The following KCNH7 variants were observed in gnomAD, a reference collection of about 807,000 sequenced individuals.
KCNH7 encodes potassium voltage-gated channel subfamily H member 7, also known as voltage-gated inwardly rectifying potassium channel KCNH7.
KCNH7 carries 49 observed loss-of-function variants against 120.8 expected under a neutral mutation model. The ratio of observed to expected loss-of-function variants is 0.41; its 90% CI spans 0.32 to 0.51. The LOEUF (loss-of-function observed/expected upper bound fraction) is 0.51. Among genes scored for constraint, KCNH7 ranks in the 20% least tolerant of loss-of-function variants. The pLI, the probability that KCNH7 is intolerant of heterozygous loss-of-function variation, is 0.38. For missense variants in KCNH7, 1,097 were observed against 1,446.6 expected, an observed-to-expected ratio of 0.76 and a Z score of 3.92; for synonymous variants, 547 against 516.1, an observed-to-expected ratio of 1.06 and a Z score of -0.81.
chr2:162,790,487 G>T (rs1000138764), intron 2 of KCNH7, among the ~76,000 whole-genome samples: 13 of 151,852 alleles, frequency 8.6e-5, no homozygotes, highest in African/African-American at 2.7e-4. Context: ...CATTTTACAA[G>T]GTCAGCACTA....
At chr2:162,567,497 A>AT (rs1177877933) in intron 2 of KCNH7, among the ~76,000 whole-genome samples, 1 of 151,868 alleles carries the variant, frequency 6.6e-6, no homozygotes, top group Non-Finnish European at 1.5e-5. Context: ...TTCAATTTGC[A>AT]TTTTTCCCCC....
chr2:162,373,738 C>CT, intron 14 of KCNH7, 76 bp from the exon 15 acceptor site: 1 of 1,012,756 alleles, frequency 9.9e-7, no homozygotes, highest in Non-Finnish European at 1.3e-6. Flanking sequence ...AAAATTTCAG[C>CT]ACTACCAAGA....
intron 2 of KCNH7, among the ~76,000 whole-genome samples, chr2:162,601,317 G>T (rs1402752761): frequency 6.8e-6 from 1 of 146,502 alleles, no homozygotes; most frequent in African/African-American, 2.5e-5. Flanking sequence ...TGGGCATTTG[G>T]CTCCAAATTC....
At chr2:162,810,409 C>A (rs1378675349) in intron 2 of KCNH7, among the ~76,000 whole-genome samples, 2 of 152,138 alleles carry the variant, frequency 1.3e-5, no homozygotes, top group Admixed American at 1.3e-4. Context: ...TGGGTGTCAG[C>A]AGAAATTCCG....
At chr2:162,786,259 A>G (rs1237175464) in intron 2 of KCNH7, among the ~76,000 whole-genome samples, 1 of 152,040 alleles carries the variant, frequency 6.6e-6, no homozygotes, top group East Asian at 1.9e-4. Context: ...AAAAAAAAAA[A>G]AAAAGCTAGT....
intron 5 of KCNH7, among the ~76,000 whole-genome samples, chr2:162,509,337 T>C (rs1574044532): frequency 6.6e-6 from 1 of 151,556 alleles, no homozygotes; most frequent in Non-Finnish European, 1.5e-5. Flanking sequence ...TAAAAAATCA[T>C]TTTGGAGGGC....
At chr2:162,750,427 TAAAG>T (rs930987012) in intron 2 of KCNH7, among the ~76,000 whole-genome samples, 3 of 151,848 alleles carry the variant, frequency 2.0e-5, no homozygotes, top group Non-Finnish European at 4.4e-5. Flanking sequence ...TGGATAGACT[TAAAG>T]AATAACATGA....
intron 2 of KCNH7, among the ~76,000 whole-genome samples, chr2:162,705,290 G>A (rs1686657797): frequency 6.6e-6 from 1 of 152,002 alleles, no homozygotes; most frequent in Admixed American, 6.6e-5. Context: ...GATACTATCT[G>A]TTCACGTGAA....
Position 162,384,755 on chromosome 2 carries a change from G to A in KCNH7, c.2895C>T (p.Leu965=), listed in dbSNP as rs763255143. The A allele has an allele frequency of 1.9e-6, 3 of 1,612,548 alleles. No homozygotes were observed. Among genetic ancestry groups the A allele is most frequent in the East Asian group, 2.2e-5 (1 of 44,822 alleles). ...AGGTGGGCACTGTTTCTTCAAAATC[G>A]AGCCCAGATGCTTTCCCTATTCCTG... ...SSPGIGKASG[L]DFEETVPTSG... Residue 965 remains leucine, a synonymous_variant, in exon 13 of 16, where the codon CTC becomes CTT. Coordinates refer to ENST00000332142, the MANE Select transcript of KCNH7 (RefSeq NM_033272.4).
At chr2:162,497,424 C>T (rs570497771) in intron 6 of KCNH7, among the ~76,000 whole-genome samples, 5 of 152,028 alleles carry the variant, frequency 3.3e-5, no homozygotes, top group Non-Finnish European at 5.9e-5. Context: ...AACAAGAGAC[C>T]GTGCTGGAAA....
intron 2 of KCNH7, among the ~76,000 whole-genome samples, chr2:162,661,603 G>A (rs373032342): frequency 2.0e-5 from 3 of 152,010 alleles, no homozygotes; most frequent in African/African-American, 7.2e-5. Flanking sequence ...TGTTGATATC[G>A]TTGATACCTT....
intron 2 of KCNH7, among the ~76,000 whole-genome samples, chr2:162,612,413 TA>T (rs2105973872): frequency 6.6e-6 from 1 of 152,270 alleles, no homozygotes; most frequent in Admixed American, 6.5e-5. Context: ...ACATCTCCTC[TA>T]AAAATTACAC....
chr2:162,518,526 C>A (rs1449628996), intron 3 of KCNH7, among the ~76,000 whole-genome samples: 1 of 151,736 alleles, frequency 6.6e-6, no homozygotes, highest in African/African-American at 2.4e-5. Context: ...TCTAAGGCAT[C>A]ATAAGTCCAG....
chr2:162,741,315 CACATATTAATAACATATGTTATTAATTAT>C lies in KCNH7; in HGVS notation c.307+95193_307+95221del, dbSNP rs1176898651. 1.1e-3 allele frequency among the ~76,000 whole-genome samples: 148 copies of C among 140,490 alleles called. 1 individual carries two copies. Among genetic ancestry groups the C allele is most frequent in the Middle Eastern group, 3.9e-3 (1 of 258 alleles). 92.2% of individuals were successfully genotyped at this position (140,490 alleles called of 152,430 possible). ...TATTAATAACATATGTTATTAATTA[CACATATTAATAACATATGTTATTAATTAT>C]ACATATTAATAACATGCTATTTTCA... On this transcript the variant is annotated intron_variant, in intron 2 of 15. Transcript: ENST00000332142.
intron 5 of KCNH7, among the ~76,000 whole-genome samples, chr2:162,506,059 T>C (rs1690870562): frequency 6.6e-6 from 1 of 151,940 alleles, no homozygotes; most frequent in Non-Finnish European, 1.5e-5. Flanking sequence ...TAAATTTTCA[T>C]GTATTTAACA....
intron 2 of KCNH7, among the ~76,000 whole-genome samples, chr2:162,598,186 T>C (rs1694441210): frequency 6.6e-6 from 1 of 152,094 alleles, no homozygotes; most frequent in African/African-American, 2.4e-5. Context: ...GTTCAAACTC[T>C]AGGTGGGTTC....
chr2:162,767,367 CA>C (rs1175293624), intron 2 of KCNH7, among the ~76,000 whole-genome samples: 3 of 152,114 alleles, frequency 2.0e-5, no homozygotes, highest in East Asian at 3.8e-4. Context: ...TACATTTCCA[CA>C]AACAATAAAT....
intron 2 of KCNH7, among the ~76,000 whole-genome samples, chr2:162,716,084 A>G (rs1019853161): frequency 6.6e-6 from 1 of 152,090 alleles, no homozygotes; most frequent in South Asian, 2.1e-4. Context: ...TTCTTATTCT[A>G]AAAGTTTCAA....
At chr2:162,409,350 T>A (rs1414680954) in intron 9 of KCNH7, among the ~76,000 whole-genome samples, 1 of 151,902 alleles carries the variant, frequency 6.6e-6, no homozygotes, top group African/African-American at 2.4e-5. Context: ...CTTGATAAAA[T>A]GGAAATTATT....
Sources: allele counts gnomAD v4.1 joint callset (sites outside exome capture counted in the v4.1 genomes callset), GRCh38; gene constraint gnomAD v4.1.1; transcripts MANE v1.5; gene names NCBI Gene and HGNC (gene_info 2026-07-23, HGNC 2026-07-21).